Variants in ANK2 observed in about 807,000 individuals in gnomAD.
The protein encoded by ANK2 is ankyrin-2.
Under a neutral mutation model 360.5 loss-of-function variants are expected in ANK2, and 83 were observed. The observed-to-expected ratio is 0.23, with a 90% CI of 0.19 to 0.28. The LOEUF (loss-of-function observed/expected upper bound fraction) is 0.28. ANK2 is among the 10% of genes least tolerant of loss of function. The pLI is 1.00. For missense variants in ANK2, 4,201 were observed against 4,795.7 expected, an observed-to-expected ratio of 0.88 and a Z score of 3.66; for synonymous variants, 1,740 against 1,759.5, an observed-to-expected ratio of 0.99 and a Z score of 0.28.
chr4:113,032,269 T>A (rs1039966698), intron 2 of ANK2, among the ~76,000 whole-genome samples: 5 of 152,028 alleles, frequency 3.3e-5, no homozygotes, highest in Non-Finnish European at 7.4e-5. Context: ...TTGATCTAAT[T>A]TTTGAATTGG....
intron 1 of ANK2, among the ~76,000 whole-genome samples, chr4:113,161,895 G>A (rs75533414): frequency 0.012 from 1,802 of 152,230 alleles, 22 homozygotes; most frequent in African/African-American, 0.041. Flanking sequence ...GGAGTGAAGC[G>A]AAATCCAGTG....
chr4:112,916,856 A>G (rs1035341525), intron 2 of ANK2, among the ~76,000 whole-genome samples: 14 of 152,196 alleles, frequency 9.2e-5, no homozygotes, highest in African/African-American at 3.4e-4. Flanking sequence ...ATATCTCATT[A>G]TATATAAAGT....
At chr4:113,312,165 T>TGGGTGCTGAGACC (rs2080341434) in intron 24 of ANK2, among the ~76,000 whole-genome samples, 1 of 151,366 alleles carries the variant, frequency 6.6e-6, no homozygotes, top group Non-Finnish European at 1.5e-5. Context: ...GTGCAGTGGC[T>TGGGTGCTGAGACC]GGGTGCTGAG....
intron 1 of ANK2, among the ~76,000 whole-genome samples, chr4:113,132,787 G>A (rs1297652616): frequency 6.6e-6 from 1 of 152,132 alleles, no homozygotes; most frequent in Non-Finnish European, 1.5e-5. Context: ...CAGCAATGGG[G>A]AATTCCAGCA....
At chr4:112,850,249 CATCTATCT>C (rs200885271) in intron 1 of ANK2, among the ~76,000 whole-genome samples, 7,381 of 139,254 alleles carry the variant, frequency 0.053, 259 homozygotes, top group South Asian at 0.11. Flanking sequence ...TAAGAAATTT[CATCTATCT>C]ATCTATCTAT....
At chr4:113,139,325 C>T (rs1376649803) in intron 1 of ANK2, among the ~76,000 whole-genome samples, 1 of 152,158 alleles carries the variant, frequency 6.6e-6, no homozygotes, top group Non-Finnish European at 1.5e-5. Context: ...CAGATTATCT[C>T]GATCAGCTGG....
Position 113,357,088 on chromosome 4 carries a change from G to A in ANK2, c.8470G>A (p.Gly2824Arg). Residue 2824 changes from glycine (G) to arginine (R), a missense_variant, in exon 38 of 46, where the codon GGA becomes AGA. Around this residue, in one of 4 missense-constraint regions of ANK2, gnomAD observed 2,642 missense variants for 2,714.5 expected, o/e 0.97. Coordinates refer to ENST00000357077, the MANE Select transcript of ANK2 (RefSeq NM_001148.6). ...AGGCACTCATGAAAAAGACACAGAG[G>A]GAGAAGAGCTTGATGTTTCTAGAGC... ...LQGTHEKDTE[G>R]EELDVSRAES... 1.2e-6 allele frequency: 2 copies of A among 1,614,040 alleles called. No individual in the cohort carries two copies. Among genetic ancestry groups the A allele is most frequent in the Non-Finnish European group, 1.7e-6 (2 of 1,179,970 alleles).
At chr4:113,292,822 C>T (rs115433153) in intron 21 of ANK2, among the ~76,000 whole-genome samples, 3,505 of 152,218 alleles carry the variant, frequency 0.023, 74 homozygotes, top group African/African-American at 0.059. Context: ...AAATTGACCC[C>T]CCCTCGCCTT....
At chr4:113,315,714 C>T (rs373212685) in intron 24 of ANK2, among the ~76,000 whole-genome samples, 40 of 151,916 alleles carry the variant, frequency 2.6e-4, no homozygotes, top group East Asian at 1.6e-3. Flanking sequence ...CTGGCTAACA[C>T]GGTGAAACCC....
At chr4:112,990,879 T>G (rs1379505464) in intron 2 of ANK2, among the ~76,000 whole-genome samples, 1 of 152,164 alleles carries the variant, frequency 6.6e-6, no homozygotes, top group Non-Finnish European at 1.5e-5. Flanking sequence ...ATAGATGTGA[T>G]TAAAGGAAGA....
At position 113,002,211 on chromosome 4, in the gene ANK2, G is replaced by T. The variant is rs189716374; in HGVS notation, c.21+97697G>T. Among the ~76,000 whole-genome samples, 1,131 of 151,972 alleles carry T rather than the reference G, an allele frequency of 7.4e-3. 12 individuals carry two copies. Among genetic ancestry groups the T allele is most frequent in the South Asian group, 0.028 (133 of 4,810 alleles). On this transcript the variant is annotated intron_variant, in intron 2 of 30. Transcript: ENST00000503271. ...ATTTGACCCAGCCATCCCATTACTG[G>T]GTATATACCCAAAGGACTATAAATC... is the stretch of plus-strand genomic sequence containing the variant.
intron 26 of ANK2, among the ~76,000 whole-genome samples, chr4:113,329,043 C>A (rs887804038): frequency 6.6e-6 from 1 of 152,118 alleles, no homozygotes; most frequent in Non-Finnish European, 1.5e-5. Context: ...TGTTGCTTTC[C>A]TCTTCCCATT....
the ANK2 span, among the ~76,000 whole-genome samples, chr4:112,735,578 A>G: frequency 6.6e-6 from 1 of 152,058 alleles, no homozygotes. Flanking sequence ...TCCTTGTTAC[A>G]CTGATGTCAG....
At chr4:112,745,531 C>CTTTTTTTTTTTTTTTTT in the ANK2 span, among the ~76,000 whole-genome samples, 1 of 123,144 alleles carries the variant, frequency 8.1e-6, no homozygotes, top group Non-Finnish European at 1.6e-5. Context: ...AGTACTAGAT[C>CTTTTTTTTTTTTTTTTT]TTTTTTTTTT....
At chr4:113,299,367 T>C (rs533058508) in intron 22 of ANK2, among the ~76,000 whole-genome samples, 9 of 152,270 alleles carry the variant, frequency 5.9e-5, no homozygotes, top group African/African-American at 2.2e-4. Flanking sequence ...TCTAATACAG[T>C]CTAATATAGT....
intron 1 of ANK2, among the ~76,000 whole-genome samples, chr4:112,869,093 G>A (rs1181311901): frequency 6.6e-6 from 1 of 151,918 alleles, no homozygotes; most frequent in Non-Finnish European, 1.5e-5. Context: ...CTGGGCAGCT[G>A]GAACTACAGG....
At chr4:112,760,514 T>A in the ANK2 span, among the ~76,000 whole-genome samples, 1 of 151,772 alleles carries the variant, frequency 6.6e-6, no homozygotes, top group African/African-American at 2.4e-5. Context: ...TTTTTTTTCT[T>A]CATTGTATTC....
At chr4:113,038,104 T>A (rs1009766263) in intron 2 of ANK2, among the ~76,000 whole-genome samples, 1 of 151,990 alleles carries the variant, frequency 6.6e-6, no homozygotes, top group Non-Finnish European at 1.5e-5. Context: ...ATCTTTTTTT[T>A]GTATAGAATT....
At chr4:113,200,454 A>C (rs150372206) in intron 4 of ANK2, among the ~76,000 whole-genome samples, 3,728 of 152,160 alleles carry the variant, frequency 0.025, 77 homozygotes, top group Non-Finnish European at 0.038. Flanking sequence ...CCAATAGGTA[A>C]TTTTTCAACC....
Sources: gnomAD v4.1 joint callset for allele counts (sites outside exome capture counted in the v4.1 genomes callset) on GRCh38, gnomAD v4.1.1 for gene constraint, gnomAD v4.1.1 regional missense constraint, MANE v1.5 for transcripts, NCBI Gene and HGNC (gene_info 2026-07-23, HGNC 2026-07-21) for gene names.